Variants in DESI2 observed in about 807,000 individuals in gnomAD.
DESI2 encodes the protein deubiquitinase DESI2.
Under a neutral mutation model 24.1 loss-of-function variants are expected in DESI2, and 10 were observed. The ratio of observed to expected loss-of-function variants is 0.41; its 90% CI spans 0.26 to 0.70. The LOEUF is 0.70. DESI2 is among the 30% of genes least tolerant of loss of function. The pLI, the probability that DESI2 is intolerant of heterozygous loss-of-function variation, is 0.29. For missense variants in DESI2, 122 were observed against 234.9 expected, an observed-to-expected ratio of 0.52 and a Z score of 3.14; for synonymous variants, 71 against 87.7, an observed-to-expected ratio of 0.81 and a Z score of 1.06.
At position 244,708,626 on chromosome 1, in the gene DESI2, C is replaced by T. The variant is rs547830832; in HGVS notation, c.*2837C>T. 2.6e-5 allele frequency: 4 copies of T among 152,750 alleles called. No homozygotes were observed. The highest frequency in any genetic ancestry group is 4.4e-5 in the Non-Finnish European group (3 of 68,026). The allele number at this position is 152,750 out of a possible 1,614,324, so 9.5% of individuals were successfully genotyped here. A position where few individuals can be genotyped will look rare whatever the true frequency, so the allele number is the denominator to read the frequency against. ...ACATTCACTGCTTCAGGGTTCTAAT[C>T]TGTGTGTCTCCTTATGACTCCATTT... On this transcript the variant is annotated 3_prime_UTR_variant, in exon 5 of 5. Transcript: ENST00000302550.
intron 1 of DESI2, among the ~76,000 whole-genome samples, chr1:244,685,100 T>C (rs986709136): frequency 2.0e-5 from 3 of 152,206 alleles, no homozygotes; most frequent in Non-Finnish European, 4.4e-5. Context: ...TTCTCTCTTT[T>C]TGCATATTAT....
chr1:244,707,475 T>TTGAC lies in DESI2; in HGVS notation c.*1687_*1690dup, dbSNP rs772149728. 32 of 152,582 alleles carry TTGAC rather than the reference T, an allele frequency of 2.1e-4. No individual in the cohort carries two copies. Among genetic ancestry groups the TTGAC allele is most frequent in the Non-Finnish European group, 4.0e-4 (27 of 68,032 alleles). 9.5% of individuals were successfully genotyped at this position (152,582 alleles called of 1,614,324 possible). A position where few individuals can be genotyped will look rare whatever the true frequency, so the allele number is the denominator to read the frequency against. ...GGGCAGAAGGCTTGTTTCAAGAGGT[T>TTGAC]TGACAGAAGAAAGGAATATATGAAC... On this transcript the variant is annotated 3_prime_UTR_variant, in exon 5 of 5. Coordinates refer to ENST00000302550, the MANE Select transcript of DESI2 (RefSeq NM_016076.5).
chr1:244,654,487 T>C (rs1465945204), intron 1 of DESI2, among the ~76,000 whole-genome samples: 1 of 152,238 alleles, frequency 6.6e-6, no homozygotes, highest in Non-Finnish European at 1.5e-5. Flanking sequence ...TCTCATGCCA[T>C]ATCTGGGAAT....
chr1:244,686,300 A>C (rs1318045970), intron 1 of DESI2, among the ~76,000 whole-genome samples: 1 of 151,696 alleles, frequency 6.6e-6, no homozygotes. Context: ...CACTAACAGC[A>C]GAGCTCTTAT....
intron 1 of DESI2, among the ~76,000 whole-genome samples, chr1:244,673,807 A>G (rs2148793583): frequency 6.6e-6 from 1 of 152,292 alleles, no homozygotes; most frequent in Non-Finnish European, 1.5e-5. Flanking sequence ...AACAGAGGAA[A>G]AACTTTGTTA....
At chr1:244,704,647 G>A (rs530876799) in intron 4 of DESI2, among the ~76,000 whole-genome samples, 20 of 149,308 alleles carry the variant, frequency 1.3e-4, no homozygotes, top group African/African-American at 4.7e-4. Context: ...GAGCCAGGTC[G>A]TCATCTGGGA....
intron 1 of DESI2, among the ~76,000 whole-genome samples, chr1:244,678,520 G>A (rs966332967): frequency 6.6e-6 from 1 of 152,036 alleles, no homozygotes; most frequent in African/African-American, 2.4e-5. Flanking sequence ...TCAACATTCG[G>A]GCATAACTCT....
At chr1:244,659,024 T>C (rs969884183) in intron 1 of DESI2, among the ~76,000 whole-genome samples, 4 of 119,344 alleles carry the variant, frequency 3.4e-5, no homozygotes, top group Admixed American at 2.7e-4. Context: ...TAGGAGCTGG[T>C]CATCCATCTT....
At chr1:244,671,333 T>C (rs1676238557) in intron 1 of DESI2, among the ~76,000 whole-genome samples, 1 of 152,220 alleles carries the variant, frequency 6.6e-6, no homozygotes, top group Non-Finnish European at 1.5e-5. Flanking sequence ...GAATGTTCTG[T>C]GCCATATTCC....
chr1:244,654,787 CTG>C (rs1243687931), intron 1 of DESI2, among the ~76,000 whole-genome samples: 1 of 152,212 alleles, frequency 6.6e-6, no homozygotes, highest in East Asian at 1.9e-4. Flanking sequence ...TTTACTTTCT[CTG>C]TGCACATCCC....
intron 1 of DESI2, among the ~76,000 whole-genome samples, chr1:244,659,605 T>C (rs1435703702): frequency 6.6e-6 from 1 of 152,220 alleles, no homozygotes; most frequent in African/African-American, 2.4e-5. Context: ...TATCTCTGAC[T>C]TCACTTTCCT....
At chr1:244,702,014 A>G (rs947854494) in intron 4 of DESI2, among the ~76,000 whole-genome samples, 1 of 152,228 alleles carries the variant, frequency 6.6e-6, no homozygotes, top group Non-Finnish European at 1.5e-5. Flanking sequence ...CTTAAATGCA[A>G]AATTTCATTT....
intron 1 of DESI2, among the ~76,000 whole-genome samples, chr1:244,673,333 C>T (rs1334135851): frequency 6.6e-6 from 1 of 152,274 alleles, no homozygotes; most frequent in South Asian, 2.1e-4. Context: ...AAACGTCACA[C>T]CAAAGAAAAA....
chr1:244,660,480 A>G (rs1675804722), intron 1 of DESI2, among the ~76,000 whole-genome samples: 1 of 152,150 alleles, frequency 6.6e-6, no homozygotes, highest in Non-Finnish European at 1.5e-5. Context: ...TTTTCTTAAG[A>G]TGGGATGTAC....
chr1:244,683,860 G>C (rs1311182755), intron 1 of DESI2, among the ~76,000 whole-genome samples: 1 of 148,072 alleles, frequency 6.8e-6, no homozygotes, highest in Non-Finnish European at 1.5e-5. Flanking sequence ...AGGACCACGG[G>C]TACCTGGCTA....
In DESI2 at chr1:244,706,088, C is replaced by A; in HGVS notation, c.*299C>A. On this transcript the variant is annotated 3_prime_UTR_variant, in exon 5 of 5. Coordinates refer to ENST00000302550, the MANE Select transcript of DESI2 (RefSeq NM_016076.5). ...TTACAGTATCTTGTATCGCTGTTTA[C>A]AAATCTTGCATGGACTCCTGCCACA... 3.5e-6 allele frequency: 1 copy of A among 286,278 alleles called. No homozygotes were observed. Among genetic ancestry groups the A allele is most frequent in the Non-Finnish European group, 6.7e-6 (1 of 150,144 alleles). 17.7% of individuals were successfully genotyped at this position (286,278 alleles called of 1,614,324 possible). A position where few individuals can be genotyped will look rare whatever the true frequency, so the allele number is the denominator to read the frequency against.
chr1:244,665,416 G>C (rs1272316742), intron 1 of DESI2, among the ~76,000 whole-genome samples: 1 of 151,888 alleles, frequency 6.6e-6, no homozygotes, highest in East Asian at 1.9e-4. Context: ...CTTTTTGTTT[G>C]TCCTCATCTT....
At chr1:244,664,436 A>G (rs1675973580) in intron 1 of DESI2, among the ~76,000 whole-genome samples, 1 of 152,202 alleles carries the variant, frequency 6.6e-6, no homozygotes, top group African/African-American at 2.4e-5. Flanking sequence ...GAAAAAACAG[A>G]GAAAAGTTCA....
chr1:244,686,225 A>G lies in DESI2; in HGVS notation c.43-372A>G, dbSNP rs560130828. On this transcript the variant is annotated intron_variant, in intron 1 of 4. Coordinates refer to ENST00000302550, the MANE Select transcript of DESI2 (RefSeq NM_016076.5). ...AATAAGAAGAAAAGCTTAGGATAGG[A>G]GAAAAATAGATATGAAAGCACACTC... is the stretch of plus-strand genomic sequence containing the variant. Among the ~76,000 whole-genome samples the G allele has an allele frequency of 4.3e-3, 654 of 151,886 alleles. 4 individuals are homozygous for G. Among genetic ancestry groups the G allele is most frequent in the African/African-American group, 0.015 (633 of 41,426 alleles).
Sources: allele counts gnomAD v4.1 joint callset (sites outside exome capture counted in the v4.1 genomes callset), GRCh38; gene constraint gnomAD v4.1.1; transcripts MANE v1.5; gene names NCBI Gene and HGNC (gene_info 2026-07-23, HGNC 2026-07-21).